The following CSMD1 variants were observed in gnomAD, a reference collection of about 807,000 sequenced individuals.
CSMD1 encodes the protein CUB and Sushi multiple domains 1.
CSMD1 carries 213 observed loss-of-function variants against 417.5 expected under a neutral mutation model. The ratio of observed to expected loss-of-function variants is 0.51; its 90% confidence interval spans 0.46 to 0.57. The LOEUF (loss-of-function observed/expected upper bound fraction) is 0.57, where lower values mean the gene tolerates loss of function less well. Among genes scored for constraint, CSMD1 ranks in the 20% least tolerant of loss-of-function variants. CSMD1 has a pLI of 0.00. For missense variants in CSMD1, 6,923 were observed against 4,529.7 expected (o/e 1.53, Z -15.17); for synonymous variants, 2,862 against 1,736.8 (o/e 1.65, Z -16.11).
intron 1 of CSMD1, among the ~76,000 whole-genome samples, chr8:4,740,083 G>C (rs1189672505): frequency 6.6e-6 from 1 of 151,990 alleles, no homozygotes; most frequent in Non-Finnish European, 1.5e-5. Context: ...AGCAGAATCT[G>C]ATGGCTCTCT....
chr8:3,085,304 T>TCC (rs1814445598), intron 49 of CSMD1, among the ~76,000 whole-genome samples: 1 of 152,198 alleles, frequency 6.6e-6, no homozygotes. Context: ...CCATATTGAC[T>TCC]CCCAGGTTAA....
chr8:3,595,993 T>C (rs564917160), intron 8 of CSMD1, among the ~76,000 whole-genome samples: 2 of 152,296 alleles, frequency 1.3e-5, no homozygotes, highest in South Asian at 4.1e-4. Flanking sequence ...CCCCTTTGCC[T>C]CCTTCCTGAC....
rs550202382 is a variant in CSMD1, at chr8:3,770,433, G to A, written c.819-16391C>T. ...AATTCCAGCTACTCGAGAGGCTGAG[G>A]CAGAAGATTCTCTTGAACCCAAGAG... On this transcript the variant is annotated intron_variant, in intron 5 of 69. Transcript: ENST00000635120. Among the ~76,000 whole-genome samples the A allele has an allele frequency of 6.6e-5, 10 of 152,242 alleles. No individual in the cohort carries two copies. The East Asian group carries it at 1.9e-3, about 29-fold the overall frequency.
chr8:3,832,592 A>G (rs533334115), intron 5 of CSMD1, among the ~76,000 whole-genome samples: 1 of 152,332 alleles, frequency 6.6e-6, no homozygotes, highest in East Asian at 1.9e-4. Flanking sequence ...AAAAACAGAA[A>G]TAACACAGCA....
chr8:3,490,486 G>C (rs368631176), intron 11 of CSMD1, among the ~76,000 whole-genome samples: 7 of 151,928 alleles, frequency 4.6e-5, no homozygotes, highest in African/African-American at 7.3e-5. Flanking sequence ...ATTTATTTTA[G>C]TGACATCCTC....
intron 2 of CSMD1, among the ~76,000 whole-genome samples, chr8:4,621,381 T>G (rs1210424573): frequency 6.6e-6 from 1 of 152,068 alleles, no homozygotes; most frequent in East Asian, 1.9e-4. Flanking sequence ...TTTGGAACAT[T>G]TGGGATTTGG....
intron 12 of CSMD1, among the ~76,000 whole-genome samples, chr8:3,450,061 CAT>C (rs911693387): frequency 2.6e-5 from 4 of 152,176 alleles, no homozygotes; most frequent in African/African-American, 9.7e-5. Flanking sequence ...GGTTGAGACA[CAT>C]ACGAAATTCG....
intron 52 of CSMD1, among the ~76,000 whole-genome samples, chr8:3,011,385 C>A (rs1046988495): frequency 1.4e-5 from 2 of 146,122 alleles, no homozygotes; most frequent in Non-Finnish European, 2.9e-5. Context: ...TAAGCATTAT[C>A]ATAATCAGTT....
At chr8:3,356,051 G>C (rs1009739428) in intron 21 of CSMD1, among the ~76,000 whole-genome samples, 1 of 152,160 alleles carries the variant, frequency 6.6e-6, no homozygotes, top group Non-Finnish European at 1.5e-5. Flanking sequence ...GATAGAGAGA[G>C]AAATAGTTCT....
At chr8:4,649,466 A>T (rs186533256) in intron 1 of CSMD1, among the ~76,000 whole-genome samples, 1 of 152,348 alleles carries the variant, frequency 6.6e-6, no homozygotes, top group East Asian at 1.9e-4. Flanking sequence ...CCAAAGCCAC[A>T]TATACAAAGC....
chr8:3,650,003 G>A lies in CSMD1; in HGVS notation c.1010-33206C>T, dbSNP rs761741611. Among the ~76,000 whole-genome samples the A allele has an allele frequency of 3.9e-5, 6 of 152,286 alleles. No individual in the cohort carries two copies. The East Asian group carries it at 1.2e-3, about 29-fold the overall frequency. On this transcript the variant is annotated intron_variant, in intron 7 of 69. Coordinates refer to ENST00000635120, the MANE Select transcript of CSMD1 (RefSeq NM_033225.6). The stretch of plus-strand genomic sequence containing the variant: ...TTAAAAAAATGATAAATGAGGCTGG[G>A]CCTGGTGGCTCATGCCTGGAATCCC...
At chr8:4,237,995 G>C (rs1802168184) in intron 3 of CSMD1, among the ~76,000 whole-genome samples, 2 of 152,172 alleles carry the variant, frequency 1.3e-5, no homozygotes, top group Admixed American at 1.3e-4. Flanking sequence ...GGCATGCACA[G>C]GCCTACTGGG....
rs893228955 is a variant in CSMD1 at position 3,438,455 on chromosome 8, C to A, written c.1562-28850G>T. ...AACACCTCCCTCCTTAACTCCTGGCCACTACTAATCTCTTCTCTCTTCCTA... is the reference window on the plus strand; with the variant it reads ...AACACCTCCCTCCTTAACTCCTGGCAACTACTAATCTCTTCTCTCTTCCTA... On this transcript the variant is annotated intron_variant, in intron 12 of 69. Transcript: ENST00000635120. Among the ~76,000 whole-genome samples the A allele has an allele frequency of 3.5e-4, 54 of 152,164 alleles. 2 individuals carry two copies. Among genetic ancestry groups the A allele is most frequent in the Non-Finnish European group, 4.4e-5 (3 of 68,018 alleles).
chr8:3,988,711 T>C (rs1019416112), intron 5 of CSMD1, among the ~76,000 whole-genome samples: 1 of 152,216 alleles, frequency 6.6e-6, no homozygotes, highest in African/African-American at 2.4e-5. Flanking sequence ...TAAACCAGGA[T>C]AGCATTTTGA....
At chr8:3,741,211 C>CT (rs1211372863) in intron 6 of CSMD1, among the ~76,000 whole-genome samples, 10 of 54,578 alleles carry the variant, frequency 1.8e-4, no homozygotes, top group Admixed American at 1.2e-3. Context: ...AAGACTCCGT[C>CT]TTAAAAAAAA....
rs139755335 is a variant in CSMD1, at chr8:3,845,333, C to A, written c.819-91291G>T. On this transcript the variant is annotated intron_variant, in intron 5 of 69. Coordinates refer to ENST00000635120, the MANE Select transcript of CSMD1 (RefSeq NM_033225.6). ...TAGCCTACCACACACTGAGGCTCTA[C>A]GATACAGCATGTTGCTCCTGGACCA... is the stretch of plus-strand genomic sequence containing the variant. 4.4e-3 allele frequency among the ~76,000 whole-genome samples: 667 copies of A among 152,282 alleles called. 3 individuals carry two copies. The highest frequency in any genetic ancestry group is 0.029 in the South Asian group (142 of 4,822).
chr8:3,357,203 C>A (rs768914315), intron 21 of CSMD1, among the ~76,000 whole-genome samples: 3 of 152,148 alleles, frequency 2.0e-5, no homozygotes, highest in Non-Finnish European at 4.4e-5. Context: ...AAACTGCAGG[C>A]AAAATGCAAA....
chr8:3,378,058 G>C (rs372077010), intron 18 of CSMD1, among the ~76,000 whole-genome samples: 2 of 152,162 alleles, frequency 1.3e-5, no homozygotes, highest in African/African-American at 4.8e-5. Flanking sequence ...TTTAAATAAT[G>C]CAACATGTAA....
intron 3 of CSMD1, among the ~76,000 whole-genome samples, chr8:4,203,623 T>C (rs1799798196): frequency 6.6e-6 from 1 of 152,110 alleles, no homozygotes; most frequent in Non-Finnish European, 1.5e-5. Flanking sequence ...AAAATATGTA[T>C]GGCTGGGGGT....
Sources: allele counts gnomAD v4.1 joint callset (sites outside exome capture counted in the v4.1 genomes callset), GRCh38; gene constraint gnomAD v4.1.1; transcripts MANE v1.5; gene names NCBI Gene and HGNC (gene_info 2026-07-23, HGNC 2026-07-21).